Variants in SNX8 observed in about 807,000 individuals in gnomAD.
The protein encoded by SNX8 is sorting nexin 8.
Under a neutral mutation model 51.6 loss-of-function variants are expected in SNX8, and 25 were observed. The ratio of observed to expected loss-of-function variants is 0.48; its 90% CI spans 0.35 to 0.68. SNX8 has a LOEUF of 0.68. SNX8 is among the 30% of genes least tolerant of loss of function. The probability of loss-of-function intolerance (pLI) is 0.00; values close to 1 mark genes in which losing one functional copy is unlikely to be tolerated. For synonymous variants in SNX8, 324 were observed against 277.0 expected, an observed-to-expected ratio of 1.17 and a Z score of -1.68; for missense variants, 695 against 624.0, an observed-to-expected ratio of 1.11 and a Z score of -1.21.
chr7:2,308,055 G>C (rs1334379314), intron 1 of SNX8: 1 of 152,130 alleles, frequency 6.6e-6, no homozygotes, highest in Non-Finnish European at 1.5e-5. Flanking sequence ...GTGCGTGTGT[G>C]TGTGTGTGAG....
At chr7:2,334,112 A>AT (rs1206390873) in intron 1 of SNX8, among the ~76,000 whole-genome samples, 1 of 151,858 alleles carries the variant, frequency 6.6e-6, no homozygotes, top group Admixed American at 6.6e-5. Flanking sequence ...TCTACAAATA[A>AT]TTTTTAAAAA....
chr7:2,340,639 T>C (rs1465110439), intron 1 of SNX8, among the ~76,000 whole-genome samples: 1 of 150,956 alleles, frequency 6.6e-6, no homozygotes, highest in Non-Finnish European at 1.5e-5. Flanking sequence ...GGCGGGTCAC[T>C]TGAGGTCAGG....
chr7:2,257,546 T>G, intron 8 of SNX8, 32 bp from the exon 9 acceptor site: 1 of 1,598,690 alleles, frequency 6.3e-7, no homozygotes, highest in Non-Finnish European at 8.5e-7. Flanking sequence ...TCGCCCGCTG[T>G]CTGGATGCCT....
upstream of SNX8, chr7:2,314,450 C>T: frequency 8.3e-7 from 1 of 1,202,948 alleles, no homozygotes. Context: ...GTGACTTCCT[C>T]CCGCGCCACC....
intron 1 of SNX8, among the ~76,000 whole-genome samples, chr7:2,299,945 ATGGCAAGCACAGCAAGGAAG>A (rs1325800150): frequency 1.3e-5 from 2 of 152,202 alleles, no homozygotes; most frequent in Non-Finnish European, 2.9e-5. Context: ...TGATTGATCT[ATGGCAAGCACAGCAAGGAAG>A]AAGGCGCACT....
At chr7:2,321,208 G>A (rs1204362381) in intron 1 of SNX8, among the ~76,000 whole-genome samples, 1 of 152,006 alleles carries the variant, frequency 6.6e-6, no homozygotes, top group Non-Finnish European at 1.5e-5. Context: ...GAACGTGAGG[G>A]CTGTGGCAGG....
At chr7:2,258,821 C>G (rs1457071193) in intron 7 of SNX8, among the ~76,000 whole-genome samples, 2 of 152,176 alleles carry the variant, frequency 1.3e-5, no homozygotes, top group African/African-American at 2.4e-5. Flanking sequence ...AGCACAGCCA[C>G]AGAGAGAGCC....
Position 2,271,886 on chromosome 7 carries a change from A to G in SNX8, c.504T>C (p.Asp168=). Residue 168 remains aspartate, a synonymous_variant, in exon 4 of 11, where the codon GAT becomes GAC. Transcript: ENST00000222990. ...AGGACAGGAAGAGCTTGAGGACCAC[A>G]TCCTCGGAGAACAGGGGGTGTCGCG... ...LVARHPLFSE[D]VVLKLFLSFS... 1 of 1,613,418 alleles carries G rather than the reference A, an allele frequency of 6.2e-7. No homozygotes were observed. The highest frequency in any genetic ancestry group is 8.5e-7 in the Non-Finnish European group (1 of 1,179,788).
chr7:2,263,012 A>G (rs1454135939), intron 7 of SNX8, among the ~76,000 whole-genome samples: 1 of 152,234 alleles, frequency 6.6e-6, no homozygotes, highest in Non-Finnish European at 1.5e-5. Flanking sequence ...CCAGCTACTC[A>G]GGAGGCTAAG....
At chr7:2,321,560 G>A (rs1349743306) in intron 1 of SNX8, among the ~76,000 whole-genome samples, 2 of 150,672 alleles carry the variant, frequency 1.3e-5, no homozygotes, top group African/African-American at 4.9e-5. Flanking sequence ...CCAAGTAGCT[G>A]GAATAACAGG....
intron 1 of SNX8, among the ~76,000 whole-genome samples, chr7:2,332,741 G>A (rs13223925): frequency 1.2e-3 from 138 of 114,462 alleles, no homozygotes; most frequent in African/African-American, 3.2e-3. Flanking sequence ...GAGAGAGAGA[G>A]AAAAGGAAGG....
intron 3 of SNX8, among the ~76,000 whole-genome samples, chr7:2,273,720 G>A (rs547360105): frequency 1.2e-3 from 176 of 149,332 alleles, no homozygotes; most frequent in Non-Finnish European, 2.1e-3. Context: ...TGGCTAACAC[G>A]GTGAAACCCC....
chr7:2,343,540 T>G (rs9638744), intron 1 of SNX8, among the ~76,000 whole-genome samples: 1 of 151,480 alleles, frequency 6.6e-6, no homozygotes, highest in South Asian at 2.1e-4. Flanking sequence ...CCGGGTGTGG[T>G]GGCGTGCACC....
At chr7:2,284,625 C>T (rs533202598) in intron 1 of SNX8, among the ~76,000 whole-genome samples, 7 of 151,118 alleles carry the variant, frequency 4.6e-5, no homozygotes, top group South Asian at 2.1e-4. Context: ...AGGCTGGTCT[C>T]GATCTCCTGA....
chr7:2,302,419 G>C (rs1183250649), intron 1 of SNX8, among the ~76,000 whole-genome samples: 1 of 152,264 alleles, frequency 6.6e-6, no homozygotes, highest in Non-Finnish European at 1.5e-5. Flanking sequence ...TGGTGCCCAG[G>C]CTGGAGTGCA....
chr7:2,273,578 T>C (rs756434607), intron 3 of SNX8, among the ~76,000 whole-genome samples: 2 of 138,612 alleles, frequency 1.4e-5, no homozygotes, highest in Non-Finnish European at 3.1e-5. Flanking sequence ...ACGGCGAGTC[T>C]TCGTCTCAAA....
chr7:2,327,274 C>G (rs1778639029), intron 1 of SNX8, among the ~76,000 whole-genome samples: 2 of 152,070 alleles, frequency 1.3e-5, no homozygotes, highest in African/African-American at 4.8e-5. Context: ...GAGTCTGGCT[C>G]TGTTGCCCAG....
intron 7 of SNX8, among the ~76,000 whole-genome samples, chr7:2,258,304 C>T (rs907480918): frequency 6.6e-5 from 10 of 152,110 alleles, no homozygotes; most frequent in African/African-American, 2.4e-4. Context: ...CGTGAGCCAC[C>T]GCGCTGGGCC....
chr7:2,312,239 G>A (rs561777870), intron 1 of SNX8, among the ~76,000 whole-genome samples: 15 of 152,092 alleles, frequency 9.9e-5, no homozygotes, highest in African/African-American at 2.9e-4. Context: ...GGTGTACAGC[G>A]CTCAGACTAT....
Sources: gnomAD v4.1 joint callset for allele counts (sites outside exome capture counted in the v4.1 genomes callset) on GRCh38, gnomAD v4.1.1 for gene constraint, MANE v1.5 for transcripts, NCBI Gene and HGNC (gene_info 2026-07-23, HGNC 2026-07-21) for gene names.